The following C17orf67 variants were observed in gnomAD, a reference collection of about 807,000 sequenced individuals.
C17orf67 encodes chromosome 17 open reading frame 67.
C17orf67 carries 12 observed loss-of-function variants against 11.2 expected under a neutral mutation model. The ratio of observed to expected loss-of-function variants is 1.07; its 90% CI spans 0.68 to 1.73. The LOEUF (loss-of-function observed/expected upper bound fraction) is 1.73. Among genes scored for constraint, C17orf67 ranks in the 40% most tolerant of loss-of-function variants. The pLI is 0.00. For synonymous variants in C17orf67, 59 were observed against 46.9 expected (o/e 1.26, Z -1.05); for missense variants, 115 against 113.5 (o/e 1.01, Z -0.06).
chr17:56,793,588 A>C (rs1450624656), intron 7 of C17orf67, among the ~76,000 whole-genome samples: 1 of 152,218 alleles, frequency 6.6e-6, no homozygotes. Flanking sequence ...GGCTCCCTAG[A>C]CATCATTATT....
intron 4 of C17orf67, among the ~76,000 whole-genome samples, chr17:56,822,740 T>C (rs1267875341): frequency 1.3e-5 from 2 of 152,232 alleles, no homozygotes; most frequent in African/African-American, 4.8e-5. Context: ...AAAGAAAATA[T>C]GGTTCATTTC....
At position 56,799,457 on chromosome 17, in the gene C17orf67, T is replaced by A. The variant is rs1347217946; in HGVS notation, c.157-4277A>T. On this transcript the variant is annotated intron_variant, in intron 6 of 7. Coordinates refer to ENST00000397861, the MANE Select transcript of C17orf67 (RefSeq NM_001085430.4). ...AATAATATTCCATTGTCTGCATGTA[T>A]CATAGTTTATTTATTCATTCACCTG... Among the ~76,000 whole-genome samples the A allele has an allele frequency of 6.6e-5, 10 of 152,248 alleles. No homozygotes were observed. The East Asian group carries it at 1.9e-3, about 29-fold the overall frequency.
chr17:56,812,027 A>G (rs1045223713), intron 6 of C17orf67, among the ~76,000 whole-genome samples: 1 of 152,204 alleles, frequency 6.6e-6, no homozygotes, highest in African/African-American at 2.4e-5. Flanking sequence ...GGACCCAGGC[A>G]TCGGAATTTA....
At chr17:56,807,715 T>C (rs1905486598) in intron 6 of C17orf67, among the ~76,000 whole-genome samples, 1 of 152,002 alleles carries the variant, frequency 6.6e-6, no homozygotes, top group South Asian at 2.1e-4. Flanking sequence ...ACAGAGGTTT[T>C]TTCTCTGTCA....
At chr17:56,811,214 A>C (rs1278357328) in intron 6 of C17orf67, among the ~76,000 whole-genome samples, 2 of 152,208 alleles carry the variant, frequency 1.3e-5, no homozygotes, top group African/African-American at 4.8e-5. Flanking sequence ...GACATTCTGG[A>C]ATCTAGGCCA....
intron 4 of C17orf67, among the ~76,000 whole-genome samples, chr17:56,821,675 A>G (rs1905908075): frequency 6.6e-6 from 1 of 152,218 alleles, no homozygotes; most frequent in African/African-American, 2.4e-5. Flanking sequence ...GCTTCCCTGT[A>G]AACATTTATT....
At chr17:56,809,331 G>A (rs142607042) in intron 6 of C17orf67, among the ~76,000 whole-genome samples, 19 of 151,888 alleles carry the variant, frequency 1.3e-4, no homozygotes, top group African/African-American at 4.4e-4. Flanking sequence ...CTCTGCTGTG[G>A]CATCCAAGTA....
In C17orf67 at chr17:56,795,109, A is replaced by G; in HGVS notation, c.228T>C (p.Pro76=). ...EEQFLEHWLN[P]HCKPHCDRNR... ...TCCTGTCACAGTGGGGTTTGCAGTGAGGGTTCAGCCAGTGCTCCAGGAACT... is the reference window on the plus strand; with the variant it reads ...TCCTGTCACAGTGGGGTTTGCAGTGGGGGTTCAGCCAGTGCTCCAGGAACT... The change falls in exon 7 of 8, where the codon CCT becomes CCC. Residue 76 remains proline, a synonymous_variant. Transcript: ENST00000397861. 6.2e-7 allele frequency: 1 copy of G among 1,614,164 alleles called. No individual in the cohort carries two copies. Among genetic ancestry groups the G allele is most frequent in the Non-Finnish European group, 8.5e-7 (1 of 1,180,024 alleles).
chr17:56,823,936 T>C lies in C17orf67; in HGVS notation c.-201+803A>G, dbSNP rs1905965385. Among the ~76,000 whole-genome samples, 3 of 152,242 alleles carry C rather than the reference T, an allele frequency of 2.0e-5. No homozygotes were observed. In the South Asian group the frequency reaches 6.2e-4, roughly 32 times the overall value. On this transcript the variant is annotated intron_variant, in intron 4 of 7. Transcript: ENST00000397861. Reference sequence around the variant, plus strand: ...ATATGGAGAAAACTTAAATGCATATTACTCAATGAAAGAAGTCAGTCTAAG... The same window carrying C: ...ATATGGAGAAAACTTAAATGCATATCACTCAATGAAAGAAGTCAGTCTAAG...
In C17orf67 at chr17:56,828,137, G is replaced by A. The variant is rs967514681; in HGVS notation, c.-556-2816C>T. Among the ~76,000 whole-genome samples the A allele has an allele frequency of 2.7e-5, 4 of 149,334 alleles. No individual in the cohort carries two copies. The South Asian group carries it at 6.3e-4, about 24-fold the overall frequency. On this transcript the variant is annotated intron_variant, in intron 2 of 7. Coordinates refer to ENST00000397861, the MANE Select transcript of C17orf67 (RefSeq NM_001085430.4). ...AAAAAAAAAAAAAGCCAGGCACGGC[G>A]GCTCACGCTTGTAATCCCAGCACTT... is the stretch of plus-strand genomic sequence containing the variant.
chr17:56,807,042 G>A (rs1000051377), intron 6 of C17orf67, among the ~76,000 whole-genome samples: 2 of 152,228 alleles, frequency 1.3e-5, no homozygotes, highest in South Asian at 4.1e-4. Flanking sequence ...CAGTGGTGTG[G>A]AGTAGACAGT....
chr17:56,829,340 A>G (rs989488238), intron 2 of C17orf67, among the ~76,000 whole-genome samples: 7 of 152,230 alleles, frequency 4.6e-5, no homozygotes, highest in African/African-American at 1.7e-4. Context: ...AGAGGTTTAA[A>G]GAAGAAAAGA....
rs772880968 is a variant in C17orf67 at position 56,800,058 on chromosome 17, A to ATTT, written c.157-4881_157-4879dup. ...TTTTTCTGTATCCTGTTGCAAACTA[A>ATTT]TTTTTTTTTTTTTTTTTTTTTTTTT... is the stretch of plus-strand genomic sequence containing the variant. On this transcript the variant is annotated intron_variant, in intron 6 of 7. Coordinates refer to ENST00000397861, the MANE Select transcript of C17orf67 (RefSeq NM_001085430.4). Among the ~76,000 whole-genome samples the ATTT allele has an allele frequency of 8.5e-3, 816 of 96,238 alleles. 8 individuals are homozygous for ATTT. The highest frequency in any genetic ancestry group is 0.01 in the African/African-American group (240 of 23,062). The allele number at this position is 96,238 out of a possible 152,430, so 63.1% of individuals were successfully genotyped here. A position where few individuals can be genotyped will look rare whatever the true frequency, so the allele number is the denominator to read the frequency against.
intron 2 of C17orf67, among the ~76,000 whole-genome samples, chr17:56,829,197 A>T (rs1454710263): frequency 1.3e-5 from 2 of 152,082 alleles, no homozygotes; most frequent in African/African-American, 4.8e-5. Context: ...AATTGCTTGA[A>T]CCTGGGAGGT....
intron 4 of C17orf67, among the ~76,000 whole-genome samples, chr17:56,821,656 C>T (rs745967559): frequency 2.6e-5 from 4 of 152,166 alleles, no homozygotes; most frequent in Non-Finnish European, 4.4e-5. Context: ...TGTTAGACCT[C>T]GTCACTTTGC....
At chr17:56,809,498 G>A (rs971507888) in intron 6 of C17orf67, among the ~76,000 whole-genome samples, 6 of 149,740 alleles carry the variant, frequency 4.0e-5, no homozygotes, top group African/African-American at 1.2e-4. Context: ...ACACACACAC[G>A]AACCCTCACA....
chr17:56,813,293 C>A (rs1016214085), intron 6 of C17orf67, among the ~76,000 whole-genome samples: 7 of 151,836 alleles, frequency 4.6e-5, no homozygotes, highest in African/African-American at 1.7e-4. Context: ...TGCTGCCCTT[C>A]CTTCACCCCA....
intron 6 of C17orf67, among the ~76,000 whole-genome samples, chr17:56,813,494 C>T (rs985988701): frequency 6.6e-6 from 1 of 151,910 alleles, no homozygotes; most frequent in African/African-American, 2.4e-5. Context: ...ATCTGTACTC[C>T]CCAACTTGAA....
intron 4 of C17orf67, among the ~76,000 whole-genome samples, chr17:56,819,825 G>A (rs533013149): frequency 6.6e-6 from 1 of 152,282 alleles, no homozygotes; most frequent in Admixed American, 6.5e-5. Context: ...AGTAGAAGAC[G>A]CAATTCCCAA....
Sources: allele counts gnomAD v4.1 joint callset (sites outside exome capture counted in the v4.1 genomes callset), GRCh38; gene constraint gnomAD v4.1.1; transcripts MANE v1.5; gene names NCBI Gene and HGNC (gene_info 2026-07-23, HGNC 2026-07-21).